The following SPRY3 variants were observed in gnomAD, a reference collection of about 807,000 sequenced individuals.
SPRY3 encodes protein sprouty homolog 3.
A neutral mutation model predicts 20.2 loss-of-function variants in SPRY3; 15 were observed. The ratio of observed to expected loss-of-function variants is 0.74; its 90% confidence interval spans 0.50 to 1.14. SPRY3 has a LOEUF of 1.14. SPRY3 is among the 50% of genes most tolerant of loss of function. The pLI, the probability that SPRY3 is intolerant of heterozygous loss-of-function variation, is 0.00. For synonymous variants in SPRY3, 143 were observed against 136.5 expected (o/e 1.05, Z -0.33); for missense variants, 364 against 363.9 (o/e 1.00, Z 0.00).
At chrX:155,774,026 A>T (rs745346180) in exon 4 of SPRY3, 1 of 1,613,886 alleles carries the variant, frequency 6.2e-7, no homozygotes, top group African/African-American at 1.3e-5. Context: ...CACAAGTCTG[A>T]TTGGTCTCTG....
intron 2 of SPRY3, among the ~76,000 whole-genome samples, chrX:155,704,861 A>AT (rs2090939012): frequency 6.6e-6 from 1 of 151,652 alleles, no homozygotes; most frequent in Non-Finnish European, 1.5e-5. Flanking sequence ...TGGAATGATC[A>AT]TTTTAACAGG....
chrX:155,774,973 T>C (rs1447978494), exon 4 of SPRY3: 2 of 595,572 alleles, frequency 3.4e-6, no homozygotes, highest in Non-Finnish European at 6.0e-6. Context: ...TCAGCCTTTA[T>C]GGTTGTCATG....
chrX:155,704,948 G>C (rs2090939746), intron 2 of SPRY3, among the ~76,000 whole-genome samples: 1 of 151,504 alleles, frequency 6.6e-6, no homozygotes, highest in East Asian at 1.9e-4. Context: ...AATAAAAACT[G>C]TATCAGACAA....
intron 2 of SPRY3, among the ~76,000 whole-genome samples, chrX:155,657,032 G>C (rs2067994441): frequency 9.0e-6 from 1 of 111,379 alleles, no homozygotes. Flanking sequence ...TGAGGTATCT[G>C]TCAACCCCTC....
exon 4 of SPRY3, chrX:155,775,751 G>C (rs1334997572): frequency 6.0e-6 from 1 of 167,080 alleles, no homozygotes; most frequent in Non-Finnish European, 1.5e-5. Flanking sequence ...TCTGACCCAA[G>C]TGCCAAAGGC....
chrX:155,749,418 C>T (rs775332091), intron 2 of SPRY3, among the ~76,000 whole-genome samples: 44 of 151,416 alleles, frequency 2.9e-4, no homozygotes, highest in African/African-American at 9.2e-4. Context: ...TATGCATGTA[C>T]GTATTATATA....
chrX:155,678,594 G>C (rs2068064509), intron 2 of SPRY3, among the ~76,000 whole-genome samples: 1 of 111,724 alleles, frequency 9.0e-6, no homozygotes, highest in Non-Finnish European at 1.9e-5. Flanking sequence ...CAAAAGAAGA[G>C]GGGAGGAATA....
chrX:155,690,016 TG>T (rs1432735048), intron 2 of SPRY3, among the ~76,000 whole-genome samples: 1 of 88,673 alleles, frequency 1.1e-5, no homozygotes, highest in Non-Finnish European at 2.1e-5. Flanking sequence ...TGGTATGTTG[TG>T]TCTTTGTTCT....
intron 2 of SPRY3, among the ~76,000 whole-genome samples, chrX:155,712,544 C>T (rs929358842): frequency 6.6e-6 from 1 of 151,820 alleles, no homozygotes; most frequent in Non-Finnish European, 1.5e-5. Flanking sequence ...TATCATTTTC[C>T]ATTTCTTTGT....
At chrX:155,623,969 G>C (rs1325319373) in intron 1 of SPRY3, among the ~76,000 whole-genome samples, 6 of 112,273 alleles carry the variant, frequency 5.3e-5, no homozygotes, top group Non-Finnish European at 7.5e-5. Flanking sequence ...GGATTAACGT[G>C]TGAATTAAGT....
At chrX:155,766,837 C>T (rs1309914569) in intron 2 of SPRY3, among the ~76,000 whole-genome samples, 3 of 152,090 alleles carry the variant, frequency 2.0e-5, no homozygotes, top group Non-Finnish European at 4.4e-5. Context: ...TGAATGCATG[C>T]CATGCTAAAG....
chrX:155,697,922 G>T (rs1237039098), intron 2 of SPRY3, among the ~76,000 whole-genome samples: 2 of 110,667 alleles, frequency 1.8e-5, no homozygotes, highest in East Asian at 5.7e-4. Flanking sequence ...GTGAATATGT[G>T]GTTCATATAT....
chrX:155,746,277 T>G (rs373576770), intron 2 of SPRY3, among the ~76,000 whole-genome samples: 2 of 152,200 alleles, frequency 1.3e-5, no homozygotes, highest in East Asian at 3.9e-4. Context: ...CAGAAATAAT[T>G]TGCAGAAATA....
At chrX:155,712,587 G>T (rs1456964135) in intron 2 of SPRY3, among the ~76,000 whole-genome samples, 10 of 151,966 alleles carry the variant, frequency 6.6e-5, no homozygotes, top group Admixed American at 3.3e-4. Context: ...TAGGTGAAGT[G>T]TGTTTATTGT....
chrX:155,734,996 T>C (rs919862059), intron 2 of SPRY3, among the ~76,000 whole-genome samples: 3 of 151,926 alleles, frequency 2.0e-5, no homozygotes, highest in Non-Finnish European at 1.5e-5. Flanking sequence ...ATGCTATTAA[T>C]AGCCTTCTAA....
At chrX:155,766,888 G>A (rs950793457) in intron 2 of SPRY3, among the ~76,000 whole-genome samples, 3 of 152,246 alleles carry the variant, frequency 2.0e-5, no homozygotes, top group African/African-American at 4.8e-5. Context: ...GGCAATGGAT[G>A]GGCTGAAAAA....
chrX:155,740,648 G>A (rs1017500749), intron 2 of SPRY3, among the ~76,000 whole-genome samples: 7 of 152,070 alleles, frequency 4.6e-5, no homozygotes, highest in African/African-American at 1.2e-4. Flanking sequence ...CTCTGCTCTC[G>A]AACCCTGTTT....
chrX:155,748,245 A>G (rs2091238668), intron 2 of SPRY3, among the ~76,000 whole-genome samples: 1 of 151,918 alleles, frequency 6.6e-6, no homozygotes, highest in South Asian at 2.1e-4. Context: ...TTGGCTATAA[A>G]GATAGTATCG....
downstream of SPRY3, chrX:155,779,635 C>G (rs1451425959): frequency 6.0e-6 from 1 of 166,912 alleles, no homozygotes; most frequent in African/African-American, 2.4e-5. Flanking sequence ...CTTTTAGGTT[C>G]CATGAGCATA....
Sources: gnomAD v4.1 joint callset for allele counts (sites outside exome capture counted in the v4.1 genomes callset) on GRCh38, gnomAD v4.1.1 for gene constraint, MANE v1.5 for transcripts, NCBI Gene and HGNC (gene_info 2026-07-23, HGNC 2026-07-21) for gene names.